Variants in ERBB4 observed in about 807,000 individuals in gnomAD.
ERBB4 encodes the protein receptor tyrosine-protein kinase erbB-4.
In ERBB4, 42 loss-of-function variants were observed where a neutral mutation model predicts 158.0. That is an observed-to-expected ratio of 0.27 (90% CI 0.21 to 0.34). ERBB4 has a LOEUF of 0.34. Among genes scored for constraint, ERBB4 ranks in the 10% least tolerant of loss-of-function variants. ERBB4 has a pLI of 1.00. For synonymous variants in ERBB4, 583 were observed against 558.7 expected, an observed-to-expected ratio of 1.04 and a Z score of -0.61; for missense variants, 1,333 against 1,624.1, an observed-to-expected ratio of 0.82 and a Z score of 3.08.
chr2:211,859,963 CAAAGAA>C, intron 3 of ERBB4, among the ~76,000 whole-genome samples: 1 of 152,178 alleles, frequency 6.6e-6, no homozygotes, highest in Non-Finnish European at 1.5e-5. Flanking sequence ...AATGGTAAAA[CAAAGAA>C]AAATTGTTAA....
intron 2 of ERBB4, among the ~76,000 whole-genome samples, chr2:212,117,055 G>C (rs2125553386): frequency 6.6e-6 from 1 of 152,216 alleles, no homozygotes; most frequent in South Asian, 2.1e-4. Flanking sequence ...ATACAAAATT[G>C]CATATGTATT....
intron 1 of ERBB4, among the ~76,000 whole-genome samples, chr2:212,155,238 A>C (rs6755132): frequency 0.12 from 17,519 of 152,118 alleles, 1,527 homozygotes; most frequent in African/African-American, 0.25. Flanking sequence ...ATTTACCCAC[A>C]CAAAATATTC....
At chr2:212,344,999 C>T (rs2088913571) in intron 1 of ERBB4, among the ~76,000 whole-genome samples, 1 of 151,988 alleles carries the variant, frequency 6.6e-6, no homozygotes, top group Admixed American at 6.6e-5. Flanking sequence ...TGGTGGGTCA[C>T]GCCTGTAATC....
At chr2:211,474,201 T>C (rs945040313) in intron 20 of ERBB4, among the ~76,000 whole-genome samples, 1 of 152,078 alleles carries the variant, frequency 6.6e-6, no homozygotes, top group Non-Finnish European at 1.5e-5. Flanking sequence ...AATTTAGTTA[T>C]TATATAAGTA....
chr2:212,102,399 T>C (rs2079110683), intron 2 of ERBB4, among the ~76,000 whole-genome samples: 1 of 151,914 alleles, frequency 6.6e-6, no homozygotes. Context: ...ATCTTGAAAA[T>C]GCCCTTGGCA....
At chr2:212,520,149 T>G (rs1692075055) in intron 1 of ERBB4, among the ~76,000 whole-genome samples, 1 of 151,936 alleles carries the variant, frequency 6.6e-6, no homozygotes, top group South Asian at 2.1e-4. Context: ...CACTTCTGTC[T>G]TCTATTTATG....
intron 2 of ERBB4, among the ~76,000 whole-genome samples, chr2:211,953,640 A>G (rs1346868368): frequency 6.6e-6 from 1 of 151,972 alleles, no homozygotes; most frequent in Non-Finnish European, 1.5e-5. Flanking sequence ...GCTTCCGCTC[A>G]GTAAAACTGA....
chr2:211,460,162 C>A (rs561159888), intron 20 of ERBB4, among the ~76,000 whole-genome samples: 4 of 151,856 alleles, frequency 2.6e-5, no homozygotes, highest in Admixed American at 6.6e-5. Context: ...AATTACTTTG[C>A]AAAATTTAAA....
chr2:211,629,064 G>A (rs978293455), intron 17 of ERBB4, among the ~76,000 whole-genome samples: 1 of 151,980 alleles, frequency 6.6e-6, no homozygotes, highest in African/African-American at 2.4e-5. Flanking sequence ...TTAGATTCTG[G>A]ATATTAGCCC....
rs558585167 is a variant in ERBB4, at chr2:212,289,775, T to C, written c.83-164872A>G. On this transcript the variant is annotated intron_variant, in intron 1 of 27. Transcript: ENST00000342788. ...ATATTATTGGGGCTTTTTTGTTCCC[T>C]TACTTTCCCCAAGTAGAATTATTTT... is the stretch of plus-strand genomic sequence containing the variant. Among the ~76,000 whole-genome samples, 5 of 152,224 alleles carry C rather than the reference T, an allele frequency of 3.3e-5. No homozygotes were observed. In the East Asian group the frequency reaches 7.7e-4, roughly 24 times the overall value.
At chr2:211,876,215 G>C (rs2078497109) in intron 3 of ERBB4, among the ~76,000 whole-genome samples, 1 of 152,108 alleles carries the variant, frequency 6.6e-6, no homozygotes, top group Non-Finnish European at 1.5e-5. Flanking sequence ...TATACACTTA[G>C]AGAATACCAA....
chr2:212,104,083 T>C (rs371398042), intron 2 of ERBB4, among the ~76,000 whole-genome samples: 3 of 152,086 alleles, frequency 2.0e-5, no homozygotes, highest in East Asian at 1.9e-4. Flanking sequence ...TACCATCTCA[T>C]TATTAACCTC....
At chr2:212,221,419 G>T (rs368566638) in intron 1 of ERBB4, among the ~76,000 whole-genome samples, 19 of 151,454 alleles carry the variant, frequency 1.3e-4, no homozygotes, top group Admixed American at 9.9e-4. Context: ...TAAAATCAGA[G>T]ACCCACACAT....
At chr2:212,538,103 AAG>A (rs1424921031) in intron 1 of ERBB4, among the ~76,000 whole-genome samples, 2 of 152,160 alleles carry the variant, frequency 1.3e-5, no homozygotes, top group Non-Finnish European at 2.9e-5. Context: ...ACAGGGACAG[AAG>A]AGTCTCCTCT....
chr2:211,491,084 G>T (rs958592254), intron 20 of ERBB4, among the ~76,000 whole-genome samples: 3 of 152,096 alleles, frequency 2.0e-5, no homozygotes, highest in Non-Finnish European at 1.5e-5. Flanking sequence ...TAATTCATCA[G>T]GTGATAATGT....
Position 211,602,273 on chromosome 2 carries a change from G to A in ERBB4, c.2301+16904C>T, listed in dbSNP as rs79637394. ...TGACATGAAAACCTGAGATTTACAC[G>A]ATCTGCCTGCTCTCCAGGCCTCCTT... On this transcript the variant is annotated intron_variant, in intron 19 of 27. Transcript: ENST00000342788. Among the ~76,000 whole-genome samples, 873 of 152,136 alleles carry A rather than the reference G, an allele frequency of 5.7e-3. 23 individuals are homozygous for A. In the East Asian group the frequency reaches 0.08, roughly 14 times the overall value.
chr2:211,534,295 A>G (rs1199437712), intron 20 of ERBB4, among the ~76,000 whole-genome samples: 4 of 152,124 alleles, frequency 2.6e-5, no homozygotes, highest in Non-Finnish European at 1.5e-5. Flanking sequence ...GGGATAACAG[A>G]TAAGTGGGTG....
chr2:212,031,377 A>G (rs1006740450), intron 2 of ERBB4, among the ~76,000 whole-genome samples: 6 of 152,178 alleles, frequency 3.9e-5, no homozygotes, highest in Admixed American at 6.6e-5. Flanking sequence ...TTAAAACATA[A>G]CATATATTAG....
At chr2:211,392,637 T>C (rs1489761267) in intron 25 of ERBB4, among the ~76,000 whole-genome samples, 2 of 151,242 alleles carry the variant, frequency 1.3e-5, no homozygotes, top group Admixed American at 6.6e-5. Flanking sequence ...TGAAGAAATA[T>C]TGACTTGGGC....
Sources: allele counts gnomAD v4.1 joint callset (sites outside exome capture counted in the v4.1 genomes callset), GRCh38; gene constraint gnomAD v4.1.1; transcripts MANE v1.5; gene names NCBI Gene and HGNC (gene_info 2026-07-23, HGNC 2026-07-21).